Variants in GASK1A observed in about 807,000 individuals in gnomAD.
GASK1A encodes the protein golgi associated kinase 1A, also known as Golgi-associated kinase 1A.
In GASK1A, 40 loss-of-function variants were observed where a neutral mutation model predicts 41.2. The ratio of observed to expected loss-of-function variants is 0.97; its 90% CI spans 0.75 to 1.27. The LOEUF is 1.27. GASK1A is among the 50% of genes most tolerant of loss of function. The pLI, the probability that GASK1A is intolerant of heterozygous loss-of-function variation, is 0.00. For missense variants in GASK1A, 678 were observed against 745.1 expected (o/e 0.91, Z 1.05); for synonymous variants, 316 against 307.1 (o/e 1.03, Z -0.30).
Position 43,055,545 on chromosome 3 carries a change from A to G in GASK1A, c.1517+10A>G, listed in dbSNP as rs2089712130. On this transcript the variant is annotated intron_variant, in intron 4 of 4. Transcript: ENST00000430121. ...TGGAGGGCATAGATGGGTGAGGGTC[A>G]AAAGGGTTGGGTGGAAGTTCATGGG... 6.5e-7 allele frequency: 1 copy of G among 1,545,898 alleles called. No homozygotes were observed. The highest frequency in any genetic ancestry group is 1.2e-5 in the South Asian group (1 of 83,938).
At chr3:42,998,506 G>A (rs2089388862) in intron 1 of GASK1A, among the ~76,000 whole-genome samples, 1 of 152,154 alleles carries the variant, frequency 6.6e-6, no homozygotes, top group Non-Finnish European at 1.5e-5. Context: ...GACTTTTATA[G>A]AATTATATAC....
chr3:43,039,205 GT>G (rs1329284553), intron 2 of GASK1A, among the ~76,000 whole-genome samples: 80 of 125,748 alleles, frequency 6.4e-4, no homozygotes, highest in East Asian at 1.4e-3. Flanking sequence ...TTTTTTTTTG[GT>G]TTTTTTTTTT....
chr3:42,999,982 G>A (rs757097603), intron 1 of GASK1A, among the ~76,000 whole-genome samples: 6 of 152,006 alleles, frequency 3.9e-5, no homozygotes, highest in South Asian at 2.1e-4. Context: ...CCTCTAATAC[G>A]GACACTTGTG....
chr3:43,055,514 G>A lies in GASK1A; in HGVS notation c.1496G>A (p.Arg499Gln), dbSNP rs1383406312. 15 of 1,551,762 alleles carry A rather than the reference G, an allele frequency of 9.7e-6. No individual in the cohort carries two copies. The highest frequency in any genetic ancestry group is 3.3e-4 in the Middle Eastern group (2 of 6,010). ...LQHPEDKLNF[R>Q]LLEGIDGFPE... ...CACCCTGAGGACAAGCTGAACTTTCGGCTGCTGGAGGGCATAGATGGGTGA... is the reference window on the plus strand; with the variant it reads ...CACCCTGAGGACAAGCTGAACTTTCAGCTGCTGGAGGGCATAGATGGGTGA... The change falls in exon 4 of 5, where the codon CGG becomes CAG. Residue 499 changes from arginine to glutamine, a missense_variant. Arg to Gln is a conservative substitution (Grantham distance 43). Coordinates refer to ENST00000430121, the MANE Select transcript of GASK1A (RefSeq NM_001129908.3).
intron 2 of GASK1A, among the ~76,000 whole-genome samples, chr3:43,044,157 A>G (rs686464): frequency 0.74 from 112,942 of 152,080 alleles, 43,132 homozygotes; most frequent in East Asian, 0.86. Flanking sequence ...GGTTTGGCTG[A>G]CCATGCAGCA....
In GASK1A at chr3:43,033,198, G is replaced by C; in HGVS notation, c.935G>C (p.Cys312Ser). 6.4e-7 allele frequency: 1 copy of C among 1,551,510 alleles called. No individual in the cohort carries two copies. The highest frequency in any genetic ancestry group is 8.7e-7 in the Non-Finnish European group (1 of 1,146,876). Residue 312 changes from cysteine (C) to serine (S), a missense_variant, in exon 2 of 5, where the codon TGT becomes TCT. Cys to Ser is a moderately radical substitution (Grantham distance 112, BLOSUM62 -1). Coordinates refer to ENST00000430121, the MANE Select transcript of GASK1A (RefSeq NM_001129908.3). ...DLSSPRLSQL[C>S]SQGLCGLIKR... Reference sequence around the variant, plus strand: ...TCCTCTCCCAGGCTCAGCCAACTCTGTTCCCAAGGGCTCTGTGGCCTGATC... The same window carrying C: ...TCCTCTCCCAGGCTCAGCCAACTCTCTTCCCAAGGGCTCTGTGGCCTGATC...
chr3:42,982,375 CACA>C (rs1416745684), intron 1 of GASK1A, among the ~76,000 whole-genome samples: 2 of 152,138 alleles, frequency 1.3e-5, no homozygotes, highest in East Asian at 3.8e-4. Context: ...AGAAAAAATA[CACA>C]ACTTCTACAG....
intron 1 of GASK1A, among the ~76,000 whole-genome samples, chr3:43,006,532 C>T (rs765685971): frequency 1.3e-5 from 2 of 152,244 alleles, no homozygotes; most frequent in Middle Eastern, 3.4e-3. Context: ...GCTCTAGCCT[C>T]GGGTATTGTA....
At position 43,057,025 on chromosome 3, in the gene GASK1A, G is replaced by T. The variant is rs1311553860; in HGVS notation, c.*639G>T. ...AAACTCCCTAGCGGTGTGTATGTGT[G>T]TGTGTGTTATTCATGGTCACACTAC... On this transcript the variant is annotated 3_prime_UTR_variant, in exon 5 of 5. Coordinates refer to ENST00000430121, the MANE Select transcript of GASK1A (RefSeq NM_001129908.3). The T allele has an allele frequency of 6.7e-6, 1 of 148,194 alleles. No individual in the cohort carries two copies. The highest frequency in any genetic ancestry group is 1.5e-5 in the Non-Finnish European group (1 of 65,572). 9.2% of individuals were successfully genotyped at this position (148,194 alleles called of 1,614,324 possible). A position where few individuals can be genotyped will look rare whatever the true frequency, so the allele number is the denominator to read the frequency against.
At chr3:43,055,998 G>A (rs990346741) in intron 4 of GASK1A, 178 bp from the exon 5 acceptor site, 8 of 597,190 alleles carry the variant, frequency 1.3e-5, no homozygotes, top group Non-Finnish European at 3.0e-6. Context: ...GCAAAGCCAG[G>A]CAAAGGGTCC....
At chr3:43,025,947 T>C (rs2089545161) in intron 1 of GASK1A, among the ~76,000 whole-genome samples, 2 of 152,152 alleles carry the variant, frequency 1.3e-5, no homozygotes, top group Admixed American at 1.3e-4. Context: ...ACCAAAATAC[T>C]TGGGAACAGC....
intron 2 of GASK1A, chr3:43,037,427 A>G: frequency 2.3e-6 from 2 of 875,614 alleles, no homozygotes; most frequent in Non-Finnish European, 3.7e-6. Flanking sequence ...CTCTGGAGGC[A>G]GCTGTCTTAA....
At chr3:43,019,298 GAC>G (rs1193749862) in intron 1 of GASK1A, among the ~76,000 whole-genome samples, 1 of 152,190 alleles carries the variant, frequency 6.6e-6, no homozygotes, top group East Asian at 1.9e-4. Flanking sequence ...TAGCTTTGGA[GAC>G]AGGCTGCCTG....
At chr3:43,024,026 A>T (rs1388847979) in intron 1 of GASK1A, among the ~76,000 whole-genome samples, 1 of 152,170 alleles carries the variant, frequency 6.6e-6, no homozygotes, top group Non-Finnish European at 1.5e-5. Context: ...CCACGGGGAC[A>T]TAACGTGGGT....
intron 2 of GASK1A, among the ~76,000 whole-genome samples, chr3:43,039,211 T>G (rs918389633): frequency 1.3e-5 from 2 of 149,590 alleles, no homozygotes; most frequent in Non-Finnish European, 3.0e-5. Context: ...TTTGGTTTTT[T>G]TTTTTTTTTG....
intron 1 of GASK1A, among the ~76,000 whole-genome samples, chr3:43,020,476 A>G (rs2089515769): frequency 6.6e-6 from 1 of 152,172 alleles, no homozygotes; most frequent in African/African-American, 2.4e-5. Flanking sequence ...TAGAGACAGC[A>G]CTACACTCTT....
At chr3:42,991,790 C>A (rs1272068369) in intron 1 of GASK1A, among the ~76,000 whole-genome samples, 1 of 152,190 alleles carries the variant, frequency 6.6e-6, no homozygotes, top group Non-Finnish European at 1.5e-5. Flanking sequence ...TTCTCAAGGA[C>A]AGAGTGGCTC....
At chr3:43,013,796 G>A (rs929281163) in intron 1 of GASK1A, among the ~76,000 whole-genome samples, 5 of 151,932 alleles carry the variant, frequency 3.3e-5, no homozygotes, top group African/African-American at 1.2e-4. Context: ...ACAGGAAGTG[G>A]CTGTATGAAC....
At position 42,997,447 on chromosome 3, in the gene GASK1A, G is replaced by GGA. The variant is rs2089382886; in HGVS notation, c.3+17802_3+17803insGA. 2.0e-5 allele frequency among the ~76,000 whole-genome samples: 3 copies of GGA among 148,752 alleles called. No individual in the cohort carries two copies. The East Asian group carries it at 6.2e-4, about 31-fold the overall frequency. ...GAGAGAGACAGAGAGAGGGGGGGGG[G>GGA]ATCTGGGATCCTTAGAAATGGGGAT... On this transcript the variant is annotated intron_variant, in intron 1 of 4. Transcript: ENST00000430121.
Sources: allele counts gnomAD v4.1 joint callset (sites outside exome capture counted in the v4.1 genomes callset), GRCh38; gene constraint gnomAD v4.1.1; transcripts MANE v1.5; gene names NCBI Gene and HGNC (gene_info 2026-07-23, HGNC 2026-07-21).